Variants in PLPP4 observed in about 807,000 individuals in gnomAD.
PLPP4 encodes the protein phospholipid phosphatase 4.
In PLPP4, 20 loss-of-function variants were observed where a neutral mutation model predicts 32.2. That is an observed-to-expected ratio of 0.62 (90% CI 0.44 to 0.90). PLPP4 has a LOEUF of 0.90. Ranked by LOEUF, PLPP4 falls within the 40% of genes least tolerant of loss-of-function variation. The pLI, the probability that PLPP4 is intolerant of heterozygous loss-of-function variation, is 0.00. For synonymous variants in PLPP4, 127 were observed against 133.0 expected (o/e 0.95, Z 0.31); for missense variants, 257 against 353.1 (o/e 0.73, Z 2.18).
intron 5 of PLPP4, among the ~76,000 whole-genome samples, chr10:120,559,414 G>T (rs928242498): frequency 2.0e-5 from 3 of 151,898 alleles, no homozygotes; most frequent in Middle Eastern, 3.2e-3. Flanking sequence ...ATTAAAGAAA[G>T]AGTACATACA....
chr10:120,499,687 T>C (rs1300650094), intron 1 of PLPP4, among the ~76,000 whole-genome samples: 1 of 152,044 alleles, frequency 6.6e-6, no homozygotes, highest in Non-Finnish European at 1.5e-5. Context: ...AGCTCTAAGG[T>C]CTTTTCTGAA....
intron 5 of PLPP4, among the ~76,000 whole-genome samples, chr10:120,534,555 A>G (rs1249713508): frequency 6.6e-6 from 1 of 151,628 alleles, no homozygotes; most frequent in South Asian, 2.1e-4. Context: ...CTCTCTTATT[A>G]CTTCTTCAGG....
chr10:120,480,497 A>T (rs1266190689), intron 1 of PLPP4, among the ~76,000 whole-genome samples: 2 of 152,200 alleles, frequency 1.3e-5, no homozygotes, highest in African/African-American at 4.8e-5. Flanking sequence ...TGAATAATAG[A>T]ATCAGGATTC....
intron 1 of PLPP4, among the ~76,000 whole-genome samples, chr10:120,472,030 C>A (rs1848539281): frequency 1.3e-5 from 2 of 151,996 alleles, no homozygotes; most frequent in African/African-American, 4.8e-5. Flanking sequence ...TTTCTTCTCT[C>A]ATGCCTTTGG....
At chr10:120,581,220 C>T (rs1332146115) in intron 6 of PLPP4, 1 of 985,408 alleles carries the variant, frequency 1.0e-6, no homozygotes, top group Non-Finnish European at 1.2e-6. Flanking sequence ...GTCTCACTGG[C>T]ATCCTTCCTT....
chr10:120,479,196 AG>A (rs1170853103), intron 1 of PLPP4, among the ~76,000 whole-genome samples: 3 of 152,180 alleles, frequency 2.0e-5, no homozygotes, highest in African/African-American at 7.2e-5. Flanking sequence ...AGTGCACTCC[AG>A]CCTGGGCCAC....
intron 6 of PLPP4, chr10:120,581,426 G>A: frequency 2.1e-6 from 1 of 474,198 alleles, no homozygotes; most frequent in Non-Finnish European, 2.8e-6. Context: ...CATTTGGAAT[G>A]TGCCTTTAGA....
intron 6 of PLPP4, among the ~76,000 whole-genome samples, chr10:120,578,587 C>G (rs1849333359): frequency 6.6e-6 from 1 of 152,200 alleles, no homozygotes; most frequent in Admixed American, 6.5e-5. Flanking sequence ...TCTATAATCT[C>G]TAATGACTCT....
intron 1 of PLPP4, among the ~76,000 whole-genome samples, chr10:120,478,992 C>T (rs917602425): frequency 2.6e-5 from 4 of 152,138 alleles, no homozygotes; most frequent in Non-Finnish European, 5.9e-5. Flanking sequence ...TTTGGGAGGC[C>T]AAGGTGGGCA....
intron 5 of PLPP4, among the ~76,000 whole-genome samples, chr10:120,534,754 G>T (rs573573565): frequency 6.6e-6 from 1 of 152,002 alleles, no homozygotes; most frequent in East Asian, 1.9e-4. Context: ...TTTCCCTTCA[G>T]TTAATGTACT....
At chr10:120,522,268 C>T (rs928768293) in intron 5 of PLPP4, among the ~76,000 whole-genome samples, 1 of 152,100 alleles carries the variant, frequency 6.6e-6, no homozygotes, top group Non-Finnish European at 1.5e-5. Flanking sequence ...AATAACTGAA[C>T]GCTGTTTCCT....
At chr10:120,571,569 G>A (rs981177609) in intron 5 of PLPP4, among the ~76,000 whole-genome samples, 1 of 152,080 alleles carries the variant, frequency 6.6e-6, no homozygotes, top group African/African-American at 2.4e-5. Context: ...CTGGTTTTTT[G>A]TTGTTGTTGT....
At chr10:120,471,499 C>A (rs984228312) in intron 1 of PLPP4, among the ~76,000 whole-genome samples, 1 of 151,774 alleles carries the variant, frequency 6.6e-6, no homozygotes, top group Non-Finnish European at 1.5e-5. Context: ...TTCTATTTGT[C>A]TTTGTATTAA....
intron 5 of PLPP4, among the ~76,000 whole-genome samples, chr10:120,546,387 C>T (rs1212975895): frequency 1.3e-5 from 2 of 152,052 alleles, no homozygotes; most frequent in Non-Finnish European, 2.9e-5. Flanking sequence ...ACCAGAAGTC[C>T]TCATCTCTTC....
In PLPP4 at chr10:120,481,645, A is replaced by G. The variant is rs567482383; in HGVS notation, c.57-22173A>G. Among the ~76,000 whole-genome samples, 3 of 152,288 alleles carry G rather than the reference A, an allele frequency of 2.0e-5. No homozygotes were observed. The South Asian group carries it at 6.2e-4, about 32-fold the overall frequency. On this transcript the variant is annotated intron_variant, in intron 1 of 6. Transcript: ENST00000398250. Reference sequence around the variant, plus strand: ...AAGGTGTCTGGTGCTCTGTGACCTCAGTGGAGCAGACAAGGAAACAAAGAC... The same window carrying G: ...AAGGTGTCTGGTGCTCTGTGACCTCGGTGGAGCAGACAAGGAAACAAAGAC...
chr10:120,552,208 G>GTGT (rs1847941508), intron 5 of PLPP4, among the ~76,000 whole-genome samples: 7 of 135,786 alleles, frequency 5.2e-5, no homozygotes, highest in South Asian at 2.5e-4. Context: ...GTGTGTGTGT[G>GTGT]ATGTTATGTT....
chr10:120,586,512 C>T (rs758872296), intron 6 of PLPP4, among the ~76,000 whole-genome samples: 5 of 152,144 alleles, frequency 3.3e-5, no homozygotes, highest in Admixed American at 2.0e-4. Flanking sequence ...TCCTGGAACA[C>T]TTACATAACA....
intron 5 of PLPP4, among the ~76,000 whole-genome samples, chr10:120,574,303 T>C (rs1211585956): frequency 6.6e-6 from 1 of 151,440 alleles, no homozygotes; most frequent in East Asian, 2.0e-4. Context: ...TCCCAGGTAT[T>C]AGAGGTGACT....
intron 5 of PLPP4, among the ~76,000 whole-genome samples, chr10:120,535,021 AT>A (rs1018570632): frequency 1.3e-5 from 2 of 151,998 alleles, no homozygotes; most frequent in Non-Finnish European, 2.9e-5. Context: ...TGCATGTCTC[AT>A]TTTTTTGTTG....
Sources: allele counts gnomAD v4.1 joint callset (sites outside exome capture counted in the v4.1 genomes callset), GRCh38; gene constraint gnomAD v4.1.1; transcripts MANE v1.5; gene names NCBI Gene and HGNC (gene_info 2026-07-23, HGNC 2026-07-21).